Variants in ITPR1 observed in about 807,000 individuals in gnomAD.
The protein encoded by ITPR1 is inositol 1,4,5-trisphosphate receptor type 1.
Under a neutral mutation model 318.4 loss-of-function variants are expected in ITPR1, and 96 were observed. The ratio of observed to expected loss-of-function variants is 0.30; its 90% CI spans 0.26 to 0.36. The LOEUF is 0.36. Ranked by LOEUF, ITPR1 falls within the 10% of genes least tolerant of loss-of-function variation. The pLI, the probability that ITPR1 is intolerant of heterozygous loss-of-function variation, is 1.00. For synonymous variants in ITPR1, 1,312 were observed against 1,289.9 expected (o/e 1.02, Z -0.37); for missense variants, 2,440 against 3,460.2 (o/e 0.71, Z 7.40).
intron 2 of ITPR1, among the ~76,000 whole-genome samples, chr3:4,502,153 T>G (rs889362510): frequency 2.0e-5 from 3 of 152,190 alleles, no homozygotes; most frequent in African/African-American, 4.8e-5. Flanking sequence ...GTGTGTATGT[T>G]GTACCTCATG....
chr3:4,762,236 A>G (rs992422071), intron 44 of ITPR1, among the ~76,000 whole-genome samples: 1 of 152,058 alleles, frequency 6.6e-6, no homozygotes, highest in Non-Finnish European at 1.5e-5. Flanking sequence ...AACTAGCTCC[A>G]TGGGTTTTTG....
At chr3:4,517,612 A>T (rs2082263744) in intron 3 of ITPR1, among the ~76,000 whole-genome samples, 1 of 152,190 alleles carries the variant, frequency 6.6e-6, no homozygotes, top group Non-Finnish European at 1.5e-5. Context: ...CACTGTAGAG[A>T]GATTTTGTTT....
intron 46 of ITPR1, among the ~76,000 whole-genome samples, chr3:4,773,078 T>C (rs12493142): frequency 0.76 from 115,098 of 152,250 alleles, 43,673 homozygotes; most frequent in East Asian, 0.98. Context: ...AACGTGGTCC[T>C]TGGTGAGTTG....
At chr3:4,827,189 C>G (rs113448493) in intron 60 of ITPR1, among the ~76,000 whole-genome samples, 4,103 of 152,314 alleles carry the variant, frequency 0.027, 204 homozygotes, top group African/African-American at 0.094. Context: ...CCCTCCTGCT[C>G]CTGCCCCGAC....
At position 4,654,327 on chromosome 3, in the gene ITPR1, T is replaced by G. The variant is rs191141625; in HGVS notation, c.996+441T>G. Among the ~76,000 whole-genome samples the G allele has an allele frequency of 2.4e-3, 363 of 152,342 alleles. 5 individuals carry two copies. Among genetic ancestry groups the G allele is most frequent in the African/African-American group, 8.5e-3 (353 of 41,582 alleles). On this transcript the variant is annotated intron_variant, in intron 12 of 61. Transcript: ENST00000649015. ...AGGCTATGGAGGTAACACATGAGGC[T>G]TAGTGCACCTGGCGTGTGATTAGAT...
intron 2 of ITPR1, among the ~76,000 whole-genome samples, chr3:4,495,804 T>C (rs1241510157): frequency 6.6e-6 from 1 of 152,144 alleles, no homozygotes; most frequent in East Asian, 1.9e-4. Flanking sequence ...GCGGTGAGGC[T>C]GTACTGCATC....
intron 36 of ITPR1, 79 bp from the exon 37 acceptor site, chr3:4,706,088 G>A: frequency 6.8e-7 from 1 of 1,479,324 alleles, no homozygotes; most frequent in Non-Finnish European, 9.3e-7. Context: ...CTGCTGGATG[G>A]GGACTAGGGC....
At chr3:4,565,833 A>G (rs2087185616) in intron 4 of ITPR1, among the ~76,000 whole-genome samples, 1 of 152,250 alleles carries the variant, frequency 6.6e-6, no homozygotes, top group South Asian at 2.1e-4. Context: ...ATGAATGTCC[A>G]AGTGGTTTGA....
chr3:4,763,458 G>T (rs6764292), intron 44 of ITPR1, among the ~76,000 whole-genome samples: 40,434 of 152,010 alleles, frequency 0.27, 6,170 homozygotes, highest in Non-Finnish European at 0.35. Context: ...TTGATACCAA[G>T]AGTAGTGTAA....
At chr3:4,742,576 A>C (rs532477039) in intron 44 of ITPR1, among the ~76,000 whole-genome samples, 2 of 152,192 alleles carry the variant, frequency 1.3e-5, no homozygotes, top group Non-Finnish European at 2.9e-5. Context: ...CTCACGTGGC[A>C]TCTGGCCAAT....
intron 61 of ITPR1, among the ~76,000 whole-genome samples, chr3:4,839,503 C>A (rs548063353): frequency 6.6e-6 from 1 of 152,130 alleles, no homozygotes; most frequent in East Asian, 1.9e-4. Flanking sequence ...TTTTTATTTG[C>A]TTTGTTATGT....
rs773070491 is a variant in ITPR1 at position 4,815,254 on chromosome 3, A to C, written c.7867+36A>C. ...CTGGCCAGCTCCAGCAAGGGCGTGA[A>C]GGCCCAGCGTGGCAGAGGCATGTGG... On this transcript the variant is annotated intron_variant, in intron 59 of 61. Coordinates refer to ENST00000649015, the MANE Select transcript of ITPR1 (RefSeq NM_001378452.1). The C allele has an allele frequency of 4.4e-6, 7 of 1,608,800 alleles. 1 individual carries two copies. In the South Asian group the frequency reaches 7.7e-5, roughly 18 times the overall value.
intron 4 of ITPR1, among the ~76,000 whole-genome samples, chr3:4,622,196 C>A (rs957467154): frequency 1.3e-5 from 2 of 150,276 alleles, no homozygotes; most frequent in Admixed American, 6.7e-5. Flanking sequence ...CTCCCTGCAG[C>A]CTCTGCCTCC....
At chr3:4,519,645 T>C (rs79959468) in intron 3 of ITPR1, among the ~76,000 whole-genome samples, 46 of 152,338 alleles carry the variant, frequency 3.0e-4, no homozygotes, top group African/African-American at 9.1e-4. Flanking sequence ...GTTTTATATA[T>C]GTATATTCTG....
At chr3:4,788,564 G>T (rs1214171186) in intron 52 of ITPR1, among the ~76,000 whole-genome samples, 1 of 152,190 alleles carries the variant, frequency 6.6e-6, no homozygotes, top group East Asian at 1.9e-4. Context: ...CCTTTTATGG[G>T]GTAGCTTGGA....
chr3:4,721,557 C>CCGTT (rs1553711527), intron 40 of ITPR1, among the ~76,000 whole-genome samples: 1 of 151,580 alleles, frequency 6.6e-6, no homozygotes, highest in African/African-American at 2.4e-5. Context: ...AGCCTGTTCA[C>CCGTT]TGTTGGTCTC....
At chr3:4,528,346 G>A (rs1341183228) in intron 4 of ITPR1, among the ~76,000 whole-genome samples, 1 of 152,144 alleles carries the variant, frequency 6.6e-6, no homozygotes, top group Non-Finnish European at 1.5e-5. Context: ...GATGAGTGCT[G>A]GTAATAGCCA....
At chr3:4,835,675 G>C (rs1308561233) in intron 60 of ITPR1, among the ~76,000 whole-genome samples, 1 of 152,140 alleles carries the variant, frequency 6.6e-6, no homozygotes, top group Non-Finnish European at 1.5e-5. Context: ...TGTGGAATGA[G>C]TCAGTTTTCT....
intron 4 of ITPR1, among the ~76,000 whole-genome samples, chr3:4,557,101 C>T (rs2086204849): frequency 6.6e-6 from 1 of 152,102 alleles, no homozygotes; most frequent in Non-Finnish European, 1.5e-5. Context: ...CTCTTAATCA[C>T]CGTGTGTATT....
Sources: allele counts gnomAD v4.1 joint callset (sites outside exome capture counted in the v4.1 genomes callset), GRCh38; gene constraint gnomAD v4.1.1; transcripts MANE v1.5; gene names NCBI Gene and HGNC (gene_info 2026-07-23, HGNC 2026-07-21).